Variants in ANO4 observed in about 807,000 individuals in gnomAD.
The protein encoded by ANO4 is anoctamin-4.
In ANO4, 69 loss-of-function variants were observed where a neutral mutation model predicts 141.9. The observed-to-expected ratio is 0.49, with a 90% confidence interval of 0.40 to 0.59. The LOEUF is 0.59. Among genes scored for constraint, ANO4 ranks in the 20% least tolerant of loss-of-function variants. The pLI, the probability that ANO4 is intolerant of heterozygous loss-of-function variation, is 0.00. For synonymous variants in ANO4, 350 were observed against 394.3 expected (o/e 0.89, Z 1.33); for missense variants, 894 against 1,162.2 (o/e 0.77, Z 3.36).
chr12:100,730,150 G>T (rs541297948), intron 1 of ANO4, among the ~76,000 whole-genome samples: 52 of 151,954 alleles, frequency 3.4e-4, no homozygotes, highest in Admixed American at 3.9e-4. Context: ...CCTAGAGAAG[G>T]GTTTAGAAAG....
intron 17 of ANO4, among the ~76,000 whole-genome samples, chr12:101,090,441 C>T (rs1289533919): frequency 6.6e-6 from 1 of 152,162 alleles, no homozygotes; most frequent in Non-Finnish European, 1.5e-5. Context: ...AGTTCATGTC[C>T]TTTATAGGGA....
chr12:101,115,987 T>C (rs984903584), intron 24 of ANO4, among the ~76,000 whole-genome samples: 3 of 152,166 alleles, frequency 2.0e-5, no homozygotes, highest in South Asian at 2.1e-4. Context: ...CTGCCAACTC[T>C]AGTACAAGCG....
At chr12:100,801,112 TC>T (rs1593363553) in intron 1 of ANO4, among the ~76,000 whole-genome samples, 2 of 151,758 alleles carry the variant, frequency 1.3e-5, no homozygotes, top group East Asian at 3.9e-4. Flanking sequence ...TCTCTCTCTC[TC>T]TCTCTCTCTC....
chr12:101,082,504 G>GAA (rs2049324635), intron 15 of ANO4, among the ~76,000 whole-genome samples: 1 of 152,178 alleles, frequency 6.6e-6, no homozygotes, highest in African/African-American at 2.4e-5. Context: ...CCAATAAATT[G>GAA]AAAGTTTCCC....
rs1230965889 is a variant in ANO4, at chr12:100,971,224, C to A, written c.457-82C>A. The A allele has an allele frequency of 1.1e-5, 10 of 918,780 alleles. No homozygotes were observed. In the East Asian group the frequency reaches 2.3e-4, roughly 21 times the overall value. 56.9% of individuals were successfully genotyped at this position (918,780 alleles called of 1,614,324 possible). A position where few individuals can be genotyped will look rare whatever the true frequency, so the allele number is the denominator to read the frequency against. ...CCAAATCATAAACTCTGTCCAGGTC[C>A]ATGCATTCTAAGTTCCAACTCAACT... On this transcript the variant is annotated intron_variant, in intron 5 of 27. Transcript: ENST00000392977.
At chr12:101,079,329 CG>C (rs2049148568) in intron 15 of ANO4, 54 bp downstream of exon 15, 3 of 1,426,700 alleles carry the variant, frequency 2.1e-6, no homozygotes, top group Non-Finnish European at 1.9e-6. Context: ...CAGAACCACA[CG>C]ACCCCCCCCC....
chr12:100,796,752 G>A (rs1460207840), intron 1 of ANO4, among the ~76,000 whole-genome samples: 1 of 152,072 alleles, frequency 6.6e-6, no homozygotes, highest in Non-Finnish European at 1.5e-5. Flanking sequence ...TAATTTGACT[G>A]TCAGACTGCT....
Position 100,803,461 on chromosome 12 carries a change from T to TA in ANO4, c.-141+8440dup, listed in dbSNP as rs148381392. On this transcript the variant is annotated intron_variant, in intron 1 of 27. Coordinates refer to ENST00000392977, the MANE Select transcript of ANO4 (RefSeq NM_001286615.2). Reference sequence around the variant, plus strand: ...GGTTAGTGGAAATGGTGCCTCGAGATAAAAAACAATATTTAGGGATTTCCC... The same window carrying TA: ...GGTTAGTGGAAATGGTGCCTCGAGATAAAAAAACAATATTTAGGGATTTCCC... 3.5e-3 allele frequency among the ~76,000 whole-genome samples: 540 copies of TA among 152,270 alleles called. 9 individuals carry two copies. The highest frequency in any genetic ancestry group is 0.031 in the East Asian group (158 of 5,180).
chr12:101,109,726 T>G (rs1262847568), intron 22 of ANO4, among the ~76,000 whole-genome samples: 1 of 152,184 alleles, frequency 6.6e-6, no homozygotes, highest in Non-Finnish European at 1.5e-5. Flanking sequence ...TAGCATTCTT[T>G]GATATTTCTT....
intron 25 of ANO4, among the ~76,000 whole-genome samples, chr12:101,119,000 G>T (rs1382243923): frequency 6.6e-6 from 1 of 151,808 alleles, no homozygotes; most frequent in African/African-American, 2.4e-5. Flanking sequence ...AGTTTGCTGA[G>T]AATGATGGTT....
intron 1 of ANO4, among the ~76,000 whole-genome samples, chr12:100,808,580 A>G (rs908769500): frequency 3.3e-5 from 5 of 152,166 alleles, no homozygotes; most frequent in Non-Finnish European, 7.4e-5. Flanking sequence ...TTAATGTTTT[A>G]AGATATTCTT....
At chr12:100,748,080 G>C (rs1167213781) in intron 3 of ANO4, among the ~76,000 whole-genome samples, 1 of 152,070 alleles carries the variant, frequency 6.6e-6, no homozygotes. Flanking sequence ...CACCTTTCCT[G>C]GTGACCTTAC....
chr12:100,749,918 C>T (rs1357236193), intron 3 of ANO4, among the ~76,000 whole-genome samples: 2 of 152,090 alleles, frequency 1.3e-5, no homozygotes, highest in Non-Finnish European at 2.9e-5. Flanking sequence ...TTCAATAGCA[C>T]TTCGTAATTA....
rs147285791 is a variant in ANO4 at position 101,122,088 on chromosome 12, G to A, written c.2676+1463G>A. On this transcript the variant is annotated intron_variant, in intron 26 of 27. Transcript: ENST00000392977. Reference sequence around the variant, plus strand: ...TCTAATAAAAGCCGTACTGACTGGTGTGAGATGGTGTCTCATTGTGGTTTT... The same window carrying A: ...TCTAATAAAAGCCGTACTGACTGGTATGAGATGGTGTCTCATTGTGGTTTT... Among the ~76,000 whole-genome samples the A allele has an allele frequency of 3.9e-3, 593 of 152,274 alleles. 4 individuals are homozygous for A. Among genetic ancestry groups the A allele is most frequent in the African/African-American group, 0.014 (566 of 41,562 alleles).
intron 8 of ANO4, among the ~76,000 whole-genome samples, chr12:101,009,122 G>A (rs995441402): frequency 1.3e-5 from 2 of 152,072 alleles, no homozygotes; most frequent in Non-Finnish European, 2.9e-5. Context: ...CTCAGAATGT[G>A]GCCTTAGGTG....
At chr12:101,105,494 G>T (rs1009717047) in intron 22 of ANO4, among the ~76,000 whole-genome samples, 1 of 152,184 alleles carries the variant, frequency 6.6e-6, no homozygotes, top group African/African-American at 2.4e-5. Flanking sequence ...AAAATCAGAT[G>T]GTTGGTCAAA....
intron 9 of ANO4, among the ~76,000 whole-genome samples, chr12:101,031,338 G>A (rs187360284): frequency 4.6e-5 from 7 of 152,158 alleles, no homozygotes; most frequent in South Asian, 4.2e-4. Context: ...CAAAAAGCAC[G>A]TGATTATCTC....
At chr12:100,999,255 T>C (rs2045533306) in intron 8 of ANO4, among the ~76,000 whole-genome samples, 1 of 152,232 alleles carries the variant, frequency 6.6e-6, no homozygotes, top group African/African-American at 2.4e-5. Context: ...TCTATTTCTT[T>C]GCCTTTTCTA....
At chr12:100,942,171 A>G (rs1592786222) in intron 4 of ANO4, among the ~76,000 whole-genome samples, 1 of 151,926 alleles carries the variant, frequency 6.6e-6, no homozygotes, top group African/African-American at 2.4e-5. Context: ...AATAGAGACA[A>G]GGTTTCACCA....
Sources: allele counts gnomAD v4.1 joint callset (sites outside exome capture counted in the v4.1 genomes callset), GRCh38; gene constraint gnomAD v4.1.1; transcripts MANE v1.5; gene names NCBI Gene and HGNC (gene_info 2026-07-23, HGNC 2026-07-21).